RARB: variants seen among roughly 807,000 people sequenced by gnomAD.
RARB encodes the protein HBV-activated protein.
RARB carries 17 observed loss-of-function variants against 51.9 expected under a neutral mutation model. That is an observed-to-expected ratio of 0.33 (90% CI 0.22 to 0.49). The LOEUF (loss-of-function observed/expected upper bound fraction) is 0.49. Ranked by LOEUF, RARB falls within the 20% of genes least tolerant of loss-of-function variation. The pLI, the probability that RARB is intolerant of heterozygous loss-of-function variation, is 0.99. For synonymous variants in RARB, 215 were observed against 195.4 expected, an observed-to-expected ratio of 1.10 and a Z score of -0.84; for missense variants, 369 against 550.8, an observed-to-expected ratio of 0.67 and a Z score of 3.30.
intron 5 of RARB, among the ~76,000 whole-genome samples, chr3:25,267,618 C>G (rs111449500): frequency 3.9e-4 from 60 of 152,298 alleles, no homozygotes; most frequent in African/African-American, 1.3e-3. Flanking sequence ...AGAACCTTCT[C>G]TTCCCCATGC....
intron 4 of RARB, among the ~76,000 whole-genome samples, chr3:25,157,569 T>TG (rs34490775): frequency 0.62 from 94,305 of 151,656 alleles, 29,580 homozygotes; most frequent in East Asian, 0.72. Flanking sequence ...AGCTAATTTT[T>TG]TATTTTTAGT....
intron 5 of RARB, among the ~76,000 whole-genome samples, chr3:25,248,186 C>G (rs1702615015): frequency 6.6e-6 from 1 of 152,098 alleles, no homozygotes; most frequent in African/African-American, 2.4e-5. Context: ...TGAAGTATAG[C>G]TACTCCTGCT....
chr3:24,849,531 A>C (rs1320433934), intron 1 of RARB, among the ~76,000 whole-genome samples: 1 of 152,254 alleles, frequency 6.6e-6, no homozygotes, highest in African/African-American at 2.4e-5. Flanking sequence ...AGTGATATGT[A>C]ACCTTGTTTT....
At chr3:25,230,445 C>T (rs994734137) in intron 5 of RARB, among the ~76,000 whole-genome samples, 1 of 151,998 alleles carries the variant, frequency 6.6e-6, no homozygotes, top group Non-Finnish European at 1.5e-5. Flanking sequence ...AAGAAACAAG[C>T]ATAATGTCCT....
intron 5 of RARB, among the ~76,000 whole-genome samples, chr3:25,209,409 A>G (rs142013933): frequency 3.3e-5 from 5 of 152,322 alleles, no homozygotes; most frequent in African/African-American, 9.6e-5. Flanking sequence ...GCATATATAG[A>G]TGTGATGAAG....
chr3:24,980,144 A>G (rs12638252), intron 2 of RARB, among the ~76,000 whole-genome samples: 32,353 of 152,010 alleles, frequency 0.21, 3,751 homozygotes, highest in East Asian at 0.3. Flanking sequence ...ATCTGCTGTT[A>G]CACTGATGAG....
rs76418533 is a variant in RARB at position 25,539,346 on chromosome 3, A to G, written c.449-30412A>G. Among the ~76,000 whole-genome samples the G allele has an allele frequency of 3.1e-3, 465 of 152,240 alleles. 2 individuals are homozygous for G. The highest frequency in any genetic ancestry group is 5.1e-3 in the Non-Finnish European group (350 of 68,006). ...TATTTAACTCCTACCTGTTGGCCCT[A>G]TATCTACCTTCTCAAGGTACTGAGA... On this transcript the variant is annotated intron_variant, in intron 3 of 7. Transcript: ENST00000330688.
At chr3:25,280,960 T>C (rs1483564794) in intron 5 of RARB, among the ~76,000 whole-genome samples, 2 of 152,092 alleles carry the variant, frequency 1.3e-5, no homozygotes, top group Non-Finnish European at 2.9e-5. Flanking sequence ...AGAAGGAAGA[T>C]CACTTACCAG....
At chr3:25,278,389 C>T (rs1039654361) in intron 5 of RARB, among the ~76,000 whole-genome samples, 4 of 152,178 alleles carry the variant, frequency 2.6e-5, no homozygotes, top group Non-Finnish European at 5.9e-5. Context: ...ATTGGACAGT[C>T]CAACAGCGTT....
At position 24,976,528 on chromosome 3, in the gene RARB, G is replaced by A. The variant is rs1303444252; in HGVS notation, c.-379-83597G>A. Among the ~76,000 whole-genome samples, 9 of 152,310 alleles carry A rather than the reference G, an allele frequency of 5.9e-5. No homozygotes were observed. In the East Asian group the frequency reaches 1.5e-3, roughly 26 times the overall value. On this transcript the variant is annotated intron_variant, in intron 2 of 11. Transcript: ENST00000383772. ...CATTTCTCTGATGACCAGCGATGAT[G>A]AGCATTTTTTCATGTGTCTGTTGGC...
chr3:25,444,779 G>C (rs1323880420), intron 1 of RARB, among the ~76,000 whole-genome samples: 1 of 152,136 alleles, frequency 6.6e-6, no homozygotes, highest in East Asian at 1.9e-4. Flanking sequence ...GCAAGTGATA[G>C]GCAGGTGGTA....
At chr3:25,121,413 T>A (rs1433017725) in intron 3 of RARB, among the ~76,000 whole-genome samples, 1 of 152,172 alleles carries the variant, frequency 6.6e-6, no homozygotes, top group African/African-American at 2.4e-5. Context: ...CTTCTTTGAT[T>A]CAACTTTAAT....
intron 5 of RARB, among the ~76,000 whole-genome samples, chr3:25,277,682 G>C (rs938562508): frequency 3.9e-5 from 6 of 152,162 alleles, no homozygotes; most frequent in Non-Finnish European, 8.8e-5. Context: ...ATGGCAAATA[G>C]AGTTTGGTTT....
chr3:25,013,985 T>G (rs1697454271), intron 2 of RARB, among the ~76,000 whole-genome samples: 1 of 152,126 alleles, frequency 6.6e-6, no homozygotes, highest in Admixed American at 6.6e-5. Context: ...CAGGACTTGG[T>G]CTACCCTTCT....
At chr3:25,580,417 C>G (rs1559477779) in intron 4 of RARB, 129 bp from the exon 5 acceptor site, 1 of 823,254 alleles carries the variant, frequency 1.2e-6, no homozygotes, top group Non-Finnish European at 1.8e-6. Context: ...AAAAATGTAG[C>G]TGTCCCACCA....
At position 24,967,316 on chromosome 3, in the gene RARB, A is replaced by G. The variant is rs138139276; in HGVS notation, c.-379-92809A>G. Among the ~76,000 whole-genome samples the G allele has an allele frequency of 3.9e-5, 6 of 152,218 alleles. No individual in the cohort carries two copies. In the East Asian group the frequency reaches 1.2e-3, roughly 29 times the overall value. Reference sequence around the variant, plus strand: ...GTAAGATTTGAGCTTATGACCTTGGAGTAGAAGCCAGATTATCTCTCAAGG... The same window carrying G: ...GTAAGATTTGAGCTTATGACCTTGGGGTAGAAGCCAGATTATCTCTCAAGG... On this transcript the variant is annotated intron_variant, in intron 2 of 11. Coordinates refer to the RARB transcript ENST00000383772.
At chr3:25,509,319 A>G (rs1559442268) in intron 3 of RARB, among the ~76,000 whole-genome samples, 1 of 152,208 alleles carries the variant, frequency 6.6e-6, no homozygotes, top group East Asian at 1.9e-4. Flanking sequence ...CGTGCTTGGC[A>G]CATAGTAAGT....
intron 5 of RARB, among the ~76,000 whole-genome samples, chr3:25,277,721 T>C (rs1703428483): frequency 6.6e-6 from 1 of 152,222 alleles, no homozygotes; most frequent in South Asian, 2.1e-4. Flanking sequence ...AAAATAGAAG[T>C]TGGCCATTCT....
chr3:25,559,906 G>A (rs1559467603), intron 3 of RARB, among the ~76,000 whole-genome samples: 1 of 152,176 alleles, frequency 6.6e-6, no homozygotes, highest in Non-Finnish European at 1.5e-5. Context: ...TAGACAGAAG[G>A]ACTGGATAAA....
Sources: allele counts gnomAD v4.1 joint callset (sites outside exome capture counted in the v4.1 genomes callset), GRCh38; gene constraint gnomAD v4.1.1; transcripts MANE v1.5; gene names NCBI Gene and HGNC (gene_info 2026-07-23, HGNC 2026-07-21).